EPHA4: variants seen among roughly 807,000 people sequenced by gnomAD.
EPHA4 encodes ephrin type-A receptor 4.
A neutral mutation model predicts 108.3 loss-of-function variants in EPHA4; 19 were observed. That is an observed-to-expected ratio of 0.18 (90% CI 0.12 to 0.26). The LOEUF (loss-of-function observed/expected upper bound fraction) is 0.26, where lower values mean the gene tolerates loss of function less well. EPHA4 is among the 10% of genes least tolerant of loss of function. The probability of loss-of-function intolerance (pLI) is 1.00; values close to 1 mark genes in which losing one functional copy is unlikely to be tolerated. For synonymous variants in EPHA4, 449 were observed against 455.5 expected, an observed-to-expected ratio of 0.99 and a Z score of 0.18; for missense variants, 917 against 1,254.0, an observed-to-expected ratio of 0.73 and a Z score of 4.06.
intron 5 of EPHA4, among the ~76,000 whole-genome samples, chr2:221,474,742 T>G (rs972556502): frequency 6.6e-6 from 1 of 152,222 alleles, no homozygotes; most frequent in Non-Finnish European, 1.5e-5. Flanking sequence ...TTTCTCGATT[T>G]CACTAGTACC....
intron 8 of EPHA4, 105 bp from the exon 9 acceptor site, chr2:221,446,286 T>G (rs981900133): frequency 5.7e-5 from 31 of 539,444 alleles, no homozygotes; most frequent in Middle Eastern, 3.0e-4. Context: ...GCAGGTATGC[T>G]ATGTACATTT....
chr2:221,474,565 G>T (rs1421971183), intron 5 of EPHA4, among the ~76,000 whole-genome samples: 1 of 152,050 alleles, frequency 6.6e-6, no homozygotes, highest in Non-Finnish European at 1.5e-5. Flanking sequence ...TTGTGTGCTT[G>T]CTTGGGCCTA....
intron 3 of EPHA4, among the ~76,000 whole-genome samples, chr2:221,561,675 G>T (rs1421784753): frequency 6.6e-6 from 1 of 152,140 alleles, no homozygotes; most frequent in Non-Finnish European, 1.5e-5. Context: ...ATGTTCGATT[G>T]CTTTTATATT....
intron 15 of EPHA4, among the ~76,000 whole-genome samples, chr2:221,428,565 G>T (rs1574554062): frequency 1.3e-5 from 2 of 152,260 alleles, no homozygotes; most frequent in African/African-American, 4.8e-5. Flanking sequence ...GGCCTTGAAT[G>T]GACCCTCAGA....
At chr2:221,471,709 T>C (rs887142379) in intron 5 of EPHA4, among the ~76,000 whole-genome samples, 7 of 152,156 alleles carry the variant, frequency 4.6e-5, no homozygotes, top group Non-Finnish European at 2.9e-5. Flanking sequence ...TACCAGCCCC[T>C]TGGAGCCGCA....
At chr2:221,430,197 C>A in intron 14 of EPHA4, 46 bp from the exon 15 acceptor site, 1 of 1,547,376 alleles carries the variant, frequency 6.5e-7, no homozygotes, top group South Asian at 1.2e-5. Context: ...AGGCAAGCTG[C>A]TGTTCAAGGT....
At chr2:221,530,744 C>T (rs1447670062) in intron 3 of EPHA4, among the ~76,000 whole-genome samples, 2 of 152,128 alleles carry the variant, frequency 1.3e-5, no homozygotes, top group Admixed American at 6.5e-5. Context: ...TATCTGTAGC[C>T]CTGCCTCAAA....
At chr2:221,455,497 T>C in intron 8 of EPHA4, 50 bp downstream of exon 8, 1 of 1,422,072 alleles carries the variant, frequency 7.0e-7, no homozygotes, top group Non-Finnish European at 9.9e-7. Context: ...AAAACCATCA[T>C]AAACACTGGG....
chr2:221,476,073 A>T (rs1191788885), intron 5 of EPHA4, among the ~76,000 whole-genome samples: 3 of 152,152 alleles, frequency 2.0e-5, no homozygotes. Flanking sequence ...TAGAAAACTT[A>T]GCTGGATGTG....
intron 3 of EPHA4, among the ~76,000 whole-genome samples, chr2:221,514,109 T>G (rs1387916589): frequency 1.3e-5 from 2 of 150,852 alleles, no homozygotes; most frequent in African/African-American, 4.9e-5. Flanking sequence ...GGTTTGAAAA[T>G]CTACTTAATG....
intron 4 of EPHA4, among the ~76,000 whole-genome samples, chr2:221,492,105 A>G (rs1253949653): frequency 1.3e-5 from 2 of 152,198 alleles, no homozygotes; most frequent in Non-Finnish European, 2.9e-5. Context: ...TAACCACTGT[A>G]TGACTTCCAT....
chr2:221,551,152 T>C (rs1471036751), intron 3 of EPHA4, among the ~76,000 whole-genome samples: 2 of 152,096 alleles, frequency 1.3e-5, no homozygotes, highest in African/African-American at 4.8e-5. Context: ...AAAATACATA[T>C]ATGATTGTTT....
At chr2:221,522,006 C>A (rs1487525440) in intron 3 of EPHA4, among the ~76,000 whole-genome samples, 1 of 151,936 alleles carries the variant, frequency 6.6e-6, no homozygotes, top group Non-Finnish European at 1.5e-5. Context: ...AACAAAAAAA[C>A]AAATAAACAA....
At chr2:221,479,392 A>G (rs934084491) in intron 5 of EPHA4, among the ~76,000 whole-genome samples, 1 of 152,164 alleles carries the variant, frequency 6.6e-6, no homozygotes, top group African/African-American at 2.4e-5. Flanking sequence ...CTAACATATT[A>G]CTGATGAGAG....
At chr2:221,485,010 G>C (rs1218128559) in intron 4 of EPHA4, among the ~76,000 whole-genome samples, 1 of 152,192 alleles carries the variant, frequency 6.6e-6, no homozygotes, top group Non-Finnish European at 1.5e-5. Flanking sequence ...AAGCTGACCA[G>C]GGCTTGGTTT....
At chr2:221,485,612 C>A (rs1262610930) in intron 4 of EPHA4, among the ~76,000 whole-genome samples, 1 of 151,974 alleles carries the variant, frequency 6.6e-6, no homozygotes, top group African/African-American at 2.4e-5. Flanking sequence ...TGGAAAAAAA[C>A]CTGGGAGAGG....
rs1691226895 is a variant in EPHA4, at chr2:221,463,936, G to A, written c.1319-5946C>T. Among the ~76,000 whole-genome samples the A allele has an allele frequency of 2.0e-5, 3 of 152,200 alleles. No individual in the cohort carries two copies. The South Asian group carries it at 6.2e-4, about 32-fold the overall frequency. On this transcript the variant is annotated intron_variant, in intron 5 of 17. Coordinates refer to ENST00000281821, the MANE Select transcript of EPHA4 (RefSeq NM_004438.5). The stretch of plus-strand genomic sequence containing the variant: ...ACTTTGGAGGAAAAAGAAAACAGCT[G>A]AAGTAGGCTGACTGCATTTCATTAC...
intron 1 of EPHA4, among the ~76,000 whole-genome samples, chr2:221,570,700 G>T (rs1405099536): frequency 2.9e-5 from 1 of 34,116 alleles, no homozygotes; most frequent in Non-Finnish European, 8.1e-5. Context: ...GAAAACGATA[G>T]ATTACACAGG....
At chr2:221,569,987 C>T (rs1694778023) in intron 1 of EPHA4, among the ~76,000 whole-genome samples, 1 of 147,392 alleles carries the variant, frequency 6.8e-6, no homozygotes, top group Non-Finnish European at 1.5e-5. Context: ...CCGCCCCCTT[C>T]CCTCCTCTCC....
Sources: gnomAD v4.1 joint callset for allele counts (sites outside exome capture counted in the v4.1 genomes callset) on GRCh38, gnomAD v4.1.1 for gene constraint, MANE v1.5 for transcripts, NCBI Gene and HGNC (gene_info 2026-07-23, HGNC 2026-07-21) for gene names.